Variants in MYBPH observed in about 807,000 individuals in gnomAD.
MYBPH encodes the protein myosin-binding protein H.
A neutral mutation model predicts 53.6 loss-of-function variants in MYBPH; 49 were observed. That is an observed-to-expected ratio of 0.91 (90% CI 0.73 to 1.16). The LOEUF (loss-of-function observed/expected upper bound fraction) is 1.16. Ranked by LOEUF, MYBPH falls within the 50% of genes most tolerant of loss-of-function variation. The pLI is 0.00. For synonymous variants in MYBPH, 239 were observed against 249.6 expected (o/e 0.96, Z 0.40); for missense variants, 558 against 624.1 (o/e 0.89, Z 1.13).
intron 3 of MYBPH, among the ~76,000 whole-genome samples, chr1:203,173,030 A>G (rs1655729429): frequency 6.6e-6 from 1 of 152,168 alleles, no homozygotes; most frequent in African/African-American, 2.4e-5. Flanking sequence ...TGAGCAGCCA[A>G]GGATCCTGGA....
chr1:203,176,176 G>A (rs1483321365), upstream of MYBPH, among the ~76,000 whole-genome samples: 1 of 152,180 alleles, frequency 6.6e-6, no homozygotes, highest in Non-Finnish European at 1.5e-5. Flanking sequence ...GCGTCTATGG[G>A]GCCACTTGTT....
At chr1:203,168,738 A>G in intron 9 of MYBPH, 63 bp from the exon 10 acceptor site, 1 of 1,605,288 alleles carries the variant, frequency 6.2e-7, no homozygotes, top group Non-Finnish European at 8.5e-7. Flanking sequence ...GTTCACGGTT[A>G]TACACCCTCT....
rs987430013 is a variant in MYBPH at position 203,175,641 on chromosome 1, T to C, written c.115A>G (p.Thr39Ala). 4 of 1,613,950 alleles carry C rather than the reference T, an allele frequency of 2.5e-6. No individual in the cohort carries two copies. The highest frequency in any genetic ancestry group is 3.4e-6 in the Non-Finnish European group (4 of 1,180,030). Residue 39 changes from threonine to alanine, a missense_variant, in exon 1 of 11, where the codon ACC (threonine) becomes GCC (alanine). Physicochemically the swap from Thr to Ala is moderately conservative, Grantham distance 58. Transcript: ENST00000255416. ...PPGEVAVSESTREEQVPKPQA... is the reference protein window; with the variant it reads ...PPGEVAVSESAREEQVPKPQA... ...GGCTTGGGCACCTGCTCTTCTCTGG[T>C]GGACTCTGATACTGCCACTTCTCCG... is the stretch of plus-strand genomic sequence containing the variant.
chr1:203,175,583 G>T lies in MYBPH; in HGVS notation c.173C>A (p.Ser58Tyr). 3 of 1,613,812 alleles carry T rather than the reference G, an allele frequency of 1.9e-6. No individual in the cohort carries two copies. Among genetic ancestry groups the T allele is most frequent in the Non-Finnish European group, 2.5e-6 (3 of 1,179,992 alleles). Residue 58 changes from serine to tyrosine, a missense_variant, in exon 1 of 11, where the codon TCC becomes TAC. By Grantham distance (144) the Ser-to-Tyr change is moderately radical. Coordinates refer to ENST00000255416, the MANE Select transcript of MYBPH (RefSeq NM_004997.3). ...QAPAPQAPTA[S>Y]TATKPAPPSE... ...TGGGGGTGCAGGCTTAGTGGCTGTG[G>T]AGGCTGTAGGGGCCTGTGGGGCAGG...
chr1:203,171,086 ACCATGTAGC>A lies in MYBPH; in HGVS notation c.899_907del (p.Gly300_Met302del). 6.2e-7 allele frequency: 1 copy of A among 1,606,838 alleles called. No individual in the cohort carries two copies. The highest frequency in any genetic ancestry group is 8.5e-7 in the Non-Finnish European group (1 of 1,177,144). ...CCCTGTCTTTTTGTCTGCCTTCTGC[ACCATGTAGC>A]CCAGGAGCTCTGTGTTGCCTGTGTC... is the stretch of plus-strand genomic sequence containing the variant. On this transcript the variant is annotated inframe_deletion, in exon 6 of 11. Coordinates refer to ENST00000255416, the MANE Select transcript of MYBPH (RefSeq NM_004997.3). This position sits in a 1 kb window ranked among gnomAD's most constrained non-coding sequence, Gnocchi z 4.2.
intron 3 of MYBPH, among the ~76,000 whole-genome samples, chr1:203,173,419 C>T (rs910867474): frequency 2.0e-5 from 3 of 152,212 alleles, no homozygotes; most frequent in Non-Finnish European, 2.9e-5. Context: ...TGCAGTGGGA[C>T]ATGAGTGGTC....
chr1:203,171,856 C>G lies in MYBPH; in HGVS notation c.597+96G>C, dbSNP rs143219776. ...ATGAAGCCGTCTCGCTGGGTCTCAG[C>G]TGGACCCTTGGAGACCCTGCCATCT... On this transcript the variant is annotated intron_variant, in intron 4 of 10. Coordinates refer to ENST00000255416, the MANE Select transcript of MYBPH (RefSeq NM_004997.3). This position sits in a 1 kb window ranked among gnomAD's most constrained non-coding sequence, Gnocchi z 4.2. The G allele has an allele frequency of 8.3e-3, 6,997 of 844,988 alleles. 79 individuals carry two copies. Among genetic ancestry groups the G allele is most frequent in the South Asian group, 0.049 (1,525 of 30,898 alleles). The allele number at this position is 844,988 out of a possible 1,614,324, so 52.3% of individuals were successfully genotyped here. A position where few individuals can be genotyped will look rare whatever the true frequency, so the allele number is the denominator to read the frequency against.
intron 3 of MYBPH, among the ~76,000 whole-genome samples, chr1:203,172,769 G>T (rs980264800): frequency 6.6e-6 from 1 of 152,234 alleles, no homozygotes; most frequent in African/African-American, 2.4e-5. Flanking sequence ...GGAAGCTGCA[G>T]TGGCCACCAT....
chr1:203,172,693 C>T (rs1021804837), intron 3 of MYBPH, among the ~76,000 whole-genome samples: 1 of 152,184 alleles, frequency 6.6e-6, no homozygotes, highest in Non-Finnish European at 1.5e-5. Context: ...GCCTGCTATG[C>T]TAAGGAATGA....
At chr1:203,173,285 G>A (rs1655736850) in intron 3 of MYBPH, among the ~76,000 whole-genome samples, 1 of 152,202 alleles carries the variant, frequency 6.6e-6, no homozygotes, top group South Asian at 2.1e-4. Flanking sequence ...GCACCTCCAG[G>A]ACTAGGGTCG....
intron 8 of MYBPH, 28 bp from the exon 9 acceptor site, chr1:203,169,120 G>C: frequency 6.2e-7 from 1 of 1,611,788 alleles, no homozygotes; most frequent in Non-Finnish European, 8.5e-7. Flanking sequence ...AAGAGAGCTG[G>C]GGAGGTATGG....
upstream of MYBPH, among the ~76,000 whole-genome samples, chr1:203,177,171 C>T (rs1349257070): frequency 2.0e-5 from 3 of 152,076 alleles, no homozygotes; most frequent in Non-Finnish European, 4.4e-5. Context: ...CATCCGTAGG[C>T]GGTAAGGCCA....
At chr1:203,170,732 C>T (rs1360384468) in intron 6 of MYBPH, among the ~76,000 whole-genome samples, 1 of 152,184 alleles carries the variant, frequency 6.6e-6, no homozygotes, top group Non-Finnish European at 1.5e-5. Flanking sequence ...GAAATGCAGG[C>T]CCTCAGCCCC....
intron 6 of MYBPH, 141 bp from the exon 7 acceptor site, chr1:203,170,591 C>T: frequency 1.7e-6 from 2 of 1,148,872 alleles, no homozygotes; most frequent in Non-Finnish European, 2.4e-6. Context: ...GCCTCAGGGA[C>T]ATTGAATTGG....
At chr1:203,175,260 C>A (rs1655783313) in intron 2 of MYBPH, 67 bp downstream of exon 2, 2 of 1,497,184 alleles carry the variant, frequency 1.3e-6, no homozygotes, top group South Asian at 2.9e-5. Flanking sequence ...AGGGCCTGTG[C>A]ACTTGTCCCT....
chr1:203,169,313 G>A lies in MYBPH; in HGVS notation c.1170C>T (p.Asp390=). The change falls in exon 8 of 11, where the codon GAC becomes GAT. Residue 390 remains aspartate, a synonymous_variant. Transcript: ENST00000255416. ...EAPSFTQPLA[D]HTSTPGYSTQ... ...TGCTGTAGCCAGGGGTGGAGGTGTG[G>A]TCAGCCAGGGGCTGGGTGAATGAGG... The A allele has an allele frequency of 1.2e-6, 2 of 1,613,426 alleles. No individual in the cohort carries two copies. The highest frequency in any genetic ancestry group is 1.7e-6 in the Non-Finnish European group (2 of 1,179,668).
At chr1:203,174,664 C>T (rs535075852) in intron 2 of MYBPH, 67 bp from the exon 3 acceptor site, 1,162 of 1,383,340 alleles carry the variant, frequency 8.4e-4, no homozygotes, top group Non-Finnish European at 9.9e-4. Context: ...CATGGGGCTT[C>T]TTTTCCTGCT....
rs558578123 is a variant in MYBPH at position 203,174,476 on chromosome 1, G to T, written c.462C>A (p.Gly154=). Residue 154 remains glycine, a synonymous_variant, in exon 3 of 11, where the codon GGC becomes GGA. Transcript: ENST00000255416. ...RVSAVSSAGA[G]PPAMLDQPIH... ...TGGGCTGGTCCAGCATGGCCGGCGG[G>T]CCAGCCCCTGCAGAACTCACTGCAG... 1 of 1,611,556 alleles carries T rather than the reference G, an allele frequency of 6.2e-7. No individual in the cohort carries two copies. Among genetic ancestry groups the T allele is most frequent in the East Asian group, 2.2e-5 (1 of 44,816 alleles).
Position 203,171,555 on chromosome 1 carries a change from T to G in MYBPH, c.621A>C (p.Thr207=), listed in dbSNP as rs770633658. The part of the protein sequence containing the change: ...PFQGKPKPQA[T]WTHNGHALDS... ...CCAGGGCATGGCCGTTGTGGGTCCATGTGGCCTGAGGCTTAGGCTTCCCCT... is the reference window on the plus strand; with the variant it reads ...CCAGGGCATGGCCGTTGTGGGTCCAGGTGGCCTGAGGCTTAGGCTTCCCCT... Residue 207 remains threonine (T), a synonymous_variant, in exon 5 of 11, where the codon ACA becomes ACC. Coordinates refer to ENST00000255416, the MANE Select transcript of MYBPH (RefSeq NM_004997.3). The surrounding 1 kb of genome is among the most constrained non-coding windows in gnomAD (Gnocchi z 4.2). The G allele has an allele frequency of 2.5e-6, 4 of 1,612,904 alleles. No homozygotes were observed. Among genetic ancestry groups the G allele is most frequent in the Non-Finnish European group, 3.4e-6 (4 of 1,179,832 alleles).
Sources: gnomAD v4.1 joint callset for allele counts (sites outside exome capture counted in the v4.1 genomes callset) on GRCh38, gnomAD v4.1.1 for gene constraint, Gnocchi (gnomAD v3.1) non-coding constraint, MANE v1.5 for transcripts, NCBI Gene and HGNC (gene_info 2026-07-23, HGNC 2026-07-21) for gene names.